The following THSD4 variants were observed in gnomAD, a reference collection of about 807,000 sequenced individuals.
THSD4 encodes the protein thrombospondin type 1 domain containing 4.
A neutral mutation model predicts 119.0 loss-of-function variants in THSD4; 69 were observed. The observed-to-expected ratio is 0.58, with a 90% confidence interval of 0.48 to 0.71. The LOEUF (loss-of-function observed/expected upper bound fraction) is 0.71, where lower values mean the gene tolerates loss of function less well. Among genes scored for constraint, THSD4 ranks in the 30% least tolerant of loss-of-function variants. The pLI, the probability that THSD4 is intolerant of heterozygous loss-of-function variation, is 0.00. For missense variants in THSD4, 1,393 were observed against 1,391.1 expected, an observed-to-expected ratio of 1.00 and a Z score of -0.02; for synonymous variants, 524 against 540.4, an observed-to-expected ratio of 0.97 and a Z score of 0.42.
At chr15:71,435,448 T>A (rs2047000039) in intron 7 of THSD4, among the ~76,000 whole-genome samples, 1 of 152,234 alleles carries the variant, frequency 6.6e-6, no homozygotes, top group South Asian at 2.1e-4. Flanking sequence ...ATAAGATAGT[T>A]GTTTAAGACT....
At chr15:71,556,878 A>G (rs906282242) in intron 7 of THSD4, among the ~76,000 whole-genome samples, 2 of 152,016 alleles carry the variant, frequency 1.3e-5, no homozygotes, top group Admixed American at 6.6e-5. Context: ...TAATTATGTA[A>G]TCTGTGAATA....
chr15:71,575,574 T>C (rs928847873), intron 7 of THSD4, among the ~76,000 whole-genome samples: 2 of 152,196 alleles, frequency 1.3e-5, no homozygotes, highest in African/African-American at 4.8e-5. Context: ...TAAGTTGTGT[T>C]TGAAGTCCTA....
chr15:71,540,435 CGCCT>C (rs2048743524), intron 7 of THSD4, among the ~76,000 whole-genome samples: 2 of 40,452 alleles, frequency 4.9e-5, no homozygotes, highest in South Asian at 3.2e-3. Flanking sequence ...TGCACCTGGC[CGCCT>C]TTTTTTTTTT....
At chr15:71,349,889 G>A (rs777722356) in intron 6 of THSD4, among the ~76,000 whole-genome samples, 1 of 152,080 alleles carries the variant, frequency 6.6e-6, no homozygotes, top group Non-Finnish European at 1.5e-5. Flanking sequence ...CTGGTCTCAG[G>A]AAGGAGGTGG....
At chr15:71,649,808 A>G (rs1324124000) in intron 7 of THSD4, among the ~76,000 whole-genome samples, 1 of 152,170 alleles carries the variant, frequency 6.6e-6, no homozygotes, top group Non-Finnish European at 1.5e-5. Context: ...TTCAGTTTCA[A>G]TCTTTGCATA....
intron 7 of THSD4, among the ~76,000 whole-genome samples, chr15:71,550,170 G>A (rs1453143399): frequency 6.6e-6 from 1 of 152,226 alleles, no homozygotes; most frequent in Non-Finnish European, 1.5e-5. Context: ...GACTTTTAAA[G>A]TCAAGCTGGA....
At chr15:71,227,923 T>TGTGTA (rs1459457611) in intron 4 of THSD4, among the ~76,000 whole-genome samples, 1 of 152,174 alleles carries the variant, frequency 6.6e-6, no homozygotes, top group Non-Finnish European at 1.5e-5. Context: ...CTTTTCTGGA[T>TGTGTA]GTGTAGTCCT....
chr15:71,724,287 A>ATATATATATATATATATATATATAT, intron 8 of THSD4, among the ~76,000 whole-genome samples: 42 of 37,212 alleles, frequency 1.1e-3, no homozygotes, highest in Admixed American at 5.4e-3. Context: ...ATATATATAT[A>ATATATATATATATATATATATATAT]TTTTTTTTTT....
chr15:71,577,377 T>C (rs2049469474), intron 7 of THSD4, among the ~76,000 whole-genome samples: 1 of 152,210 alleles, frequency 6.6e-6, no homozygotes, highest in Non-Finnish European at 1.5e-5. Flanking sequence ...TTTGCCACTC[T>C]AATCCTTGGC....
intron 3 of THSD4, among the ~76,000 whole-genome samples, chr15:71,199,473 GGT>G (rs1299837740): frequency 1.5e-4 from 21 of 141,316 alleles, no homozygotes; most frequent in African/African-American, 4.8e-4. Context: ...GTGTGTGTGT[GGT>G]GTGTGTGTGT....
chr15:71,126,227 A>G (rs1383220657), intron 1 of THSD4, among the ~76,000 whole-genome samples: 1 of 152,116 alleles, frequency 6.6e-6, no homozygotes, highest in African/African-American at 2.4e-5. Flanking sequence ...TAACGAAGCC[A>G]TGCATCCCTC....
chr15:71,172,479 G>A (rs537740659), intron 3 of THSD4, among the ~76,000 whole-genome samples: 5 of 151,066 alleles, frequency 3.3e-5, no homozygotes, highest in African/African-American at 1.2e-4. Flanking sequence ...AATATAAATT[G>A]ACAAACTGAT....
At chr15:71,630,557 CAG>C (rs2050606416) in intron 7 of THSD4, among the ~76,000 whole-genome samples, 1 of 152,146 alleles carries the variant, frequency 6.6e-6, no homozygotes, top group African/African-American at 2.4e-5. Context: ...TCTCTGAAGA[CAG>C]AGAAAGGTTT....
chr15:71,327,546 T>C (rs2045361932), intron 6 of THSD4, among the ~76,000 whole-genome samples: 1 of 152,210 alleles, frequency 6.6e-6, no homozygotes, highest in African/African-American at 2.4e-5. Flanking sequence ...TCCTAATAAG[T>C]TAAAGCTCTA....
chr15:71,218,629 A>T (rs576608606), intron 4 of THSD4, among the ~76,000 whole-genome samples: 1 of 152,350 alleles, frequency 6.6e-6, no homozygotes, highest in East Asian at 1.9e-4. Context: ...TGCTGCCTAC[A>T]TATGTCATGC....
intron 7 of THSD4, among the ~76,000 whole-genome samples, chr15:71,552,285 G>C (rs528351448): frequency 6.6e-6 from 1 of 152,148 alleles, no homozygotes; most frequent in Non-Finnish European, 1.5e-5. Flanking sequence ...TTTTTATGAC[G>C]TGTCATTTAG....
intron 3 of THSD4, among the ~76,000 whole-genome samples, chr15:71,171,678 A>G (rs2043365238): frequency 6.6e-6 from 1 of 152,224 alleles, no homozygotes; most frequent in Non-Finnish European, 1.5e-5. Flanking sequence ...AATAATAATC[A>G]TCTGTTGTAG....
chr15:71,407,630 A>C (rs570470514), intron 6 of THSD4, among the ~76,000 whole-genome samples: 26 of 151,292 alleles, frequency 1.7e-4, no homozygotes, highest in Non-Finnish European at 2.1e-4. Context: ...GCTTTTAAAT[A>C]TCAGGGCTCC....
chr15:71,554,070 T>A (rs1028435361), intron 7 of THSD4, among the ~76,000 whole-genome samples: 2 of 148,640 alleles, frequency 1.3e-5, no homozygotes, highest in African/African-American at 5.0e-5. Context: ...TGTTTTGTTT[T>A]TTCGTTTGTT....
Sources: gnomAD v4.1 joint callset for allele counts (sites outside exome capture counted in the v4.1 genomes callset) on GRCh38, gnomAD v4.1.1 for gene constraint, MANE v1.5 for transcripts, NCBI Gene and HGNC (gene_info 2026-07-23, HGNC 2026-07-21) for gene names.